NELL1: variants seen among roughly 807,000 people sequenced by gnomAD.
The protein encoded by NELL1 is neural EGFL like 1, also known as protein kinase C-binding protein NELL1.
Under a neutral mutation model 107.4 loss-of-function variants are expected in NELL1, and 76 were observed. The ratio of observed to expected loss-of-function variants is 0.71; its 90% CI spans 0.59 to 0.86. The LOEUF (loss-of-function observed/expected upper bound fraction) is 0.86. Ranked by LOEUF, NELL1 falls within the 40% of genes least tolerant of loss-of-function variation. NELL1 has a pLI of 0.00. For missense variants in NELL1, 1,024 were observed against 1,005.5 expected, an observed-to-expected ratio of 1.02 and a Z score of -0.25; for synonymous variants, 353 against 341.2, an observed-to-expected ratio of 1.03 and a Z score of -0.38.
intron 2 of NELL1, among the ~76,000 whole-genome samples, chr11:20,704,050 G>T (rs1336474661): frequency 6.6e-6 from 1 of 151,624 alleles, no homozygotes; most frequent in Non-Finnish European, 1.5e-5. Context: ...TTCAATTCCC[G>T]GGTATCCTTG....
At chr11:20,776,321 C>T (rs763511190) in intron 2 of NELL1, among the ~76,000 whole-genome samples, 1 of 152,006 alleles carries the variant, frequency 6.6e-6, no homozygotes, top group Non-Finnish European at 1.5e-5. Flanking sequence ...CGCCTGTAGT[C>T]CCAGCTACTT....
chr11:20,888,836 T>G (rs1439637995), intron 5 of NELL1, among the ~76,000 whole-genome samples: 1 of 152,206 alleles, frequency 6.6e-6, no homozygotes. Context: ...GTTGGCTGGC[T>G]GTTGACTCTT....
At chr11:21,337,738 TTC>T (rs1491392500) in intron 14 of NELL1, among the ~76,000 whole-genome samples, 2 of 61,000 alleles carry the variant, frequency 3.3e-5, no homozygotes, top group East Asian at 1.4e-3. Flanking sequence ...TTTCTTTCCT[TTC>T]TTTCTTTCTT....
intron 7 of NELL1, among the ~76,000 whole-genome samples, chr11:20,920,188 A>G (rs1472621376): frequency 1.3e-5 from 2 of 151,330 alleles, no homozygotes; most frequent in Non-Finnish European, 2.9e-5. Flanking sequence ...TAGGGCGAAG[A>G]AAGAATTAGG....
At chr11:20,809,445 C>T (rs1215744848) in intron 3 of NELL1, among the ~76,000 whole-genome samples, 2 of 152,130 alleles carry the variant, frequency 1.3e-5, no homozygotes, top group Non-Finnish European at 2.9e-5. Context: ...AGTTATCCAA[C>T]TATAAAATAG....
chr11:20,817,866 G>T (rs1207904688), intron 3 of NELL1, among the ~76,000 whole-genome samples: 1 of 150,950 alleles, frequency 6.6e-6, no homozygotes, highest in Non-Finnish European at 1.5e-5. Context: ...TGTTTTAATT[G>T]TTTATTCAAA....
At chr11:21,549,251 C>T (rs1016417257) in intron 16 of NELL1, among the ~76,000 whole-genome samples, 3 of 151,772 alleles carry the variant, frequency 2.0e-5, no homozygotes, top group Admixed American at 2.0e-4. Context: ...CAAATTAGAT[C>T]ATGAGTTTGA....
intron 13 of NELL1, among the ~76,000 whole-genome samples, chr11:21,195,946 C>A (rs1285017391): frequency 2.6e-5 from 4 of 152,194 alleles, no homozygotes; most frequent in African/African-American, 7.2e-5. Context: ...TTATTACCTC[C>A]CACCTTGGAT....
intron 12 of NELL1, among the ~76,000 whole-genome samples, chr11:20,979,244 T>C (rs2156791): frequency 0.34 from 51,023 of 152,040 alleles, 9,540 homozygotes; most frequent in East Asian, 0.51. Flanking sequence ...CTGTGACTTT[T>C]TTTTAGAAAT....
intron 13 of NELL1, among the ~76,000 whole-genome samples, chr11:21,149,809 C>T (rs992712923): frequency 6.6e-6 from 1 of 152,096 alleles, no homozygotes; most frequent in African/African-American, 2.4e-5. Flanking sequence ...AGAAAGTAAA[C>T]AGGTTTTCTT....
chr11:20,813,986 T>A (rs1008428147), intron 3 of NELL1, among the ~76,000 whole-genome samples: 276 of 149,182 alleles, frequency 1.9e-3, no homozygotes, highest in Admixed American at 3.5e-3. Context: ...TAAATAAATT[T>A]ATTTATTTAT....
chr11:21,297,835 C>T (rs1259088010), intron 14 of NELL1, among the ~76,000 whole-genome samples: 1 of 151,828 alleles, frequency 6.6e-6, no homozygotes, highest in Admixed American at 6.6e-5. Flanking sequence ...TCATAGTAAC[C>T]TCTCCAGAGT....
intron 13 of NELL1, among the ~76,000 whole-genome samples, chr11:21,147,958 G>A (rs1443308430): frequency 6.6e-6 from 1 of 151,166 alleles, no homozygotes; most frequent in Admixed American, 6.6e-5. Context: ...CTAATGGAAA[G>A]TTAAGCTACG....
At chr11:21,179,835 C>G (rs961982078) in intron 13 of NELL1, among the ~76,000 whole-genome samples, 1 of 129,330 alleles carries the variant, frequency 7.7e-6, no homozygotes, top group Non-Finnish European at 1.6e-5. Flanking sequence ...AGTATTTGTG[C>G]AAAGGTTTAG....
chr11:20,697,937 A>T (rs960675648), intron 2 of NELL1, among the ~76,000 whole-genome samples: 8 of 152,312 alleles, frequency 5.3e-5, no homozygotes, highest in African/African-American at 1.9e-4. Flanking sequence ...TCTGAGTAAG[A>T]TGGAATTACC....
intron 14 of NELL1, among the ~76,000 whole-genome samples, chr11:21,271,162 T>C (rs1791813): frequency 0.36 from 53,931 of 151,606 alleles, 11,031 homozygotes; most frequent in Non-Finnish European, 0.47. Context: ...ATCAATGAAA[T>C]TGAAAACAGG....
intron 12 of NELL1, among the ~76,000 whole-genome samples, chr11:21,001,512 G>A (rs1852220597): frequency 6.6e-6 from 1 of 151,080 alleles, no homozygotes; most frequent in East Asian, 2.0e-4. Context: ...TGAATGGAAA[G>A]GATCTGCACC....
chr11:21,342,886 A>G (rs1850605834), intron 14 of NELL1, among the ~76,000 whole-genome samples: 1 of 151,988 alleles, frequency 6.6e-6, no homozygotes, highest in South Asian at 2.1e-4. Flanking sequence ...TTTATATCAG[A>G]TGCAGAAATG....
At chr11:21,017,630 T>C (rs1852598913) in intron 12 of NELL1, among the ~76,000 whole-genome samples, 1 of 152,104 alleles carries the variant, frequency 6.6e-6, no homozygotes, top group Non-Finnish European at 1.5e-5. Flanking sequence ...TTTGAACATA[T>C]TATATACTTC....
Sources: gnomAD v4.1 joint callset for allele counts (sites outside exome capture counted in the v4.1 genomes callset) on GRCh38, gnomAD v4.1.1 for gene constraint, MANE v1.5 for transcripts, NCBI Gene and HGNC (gene_info 2026-07-23, HGNC 2026-07-21) for gene names.